The following COL18A1 variants were observed in gnomAD, a reference collection of about 807,000 sequenced individuals.
The protein encoded by COL18A1 is collagen type XVIII alpha 1 chain.
COL18A1 carries 133 observed loss-of-function variants against 168.0 expected under a neutral mutation model. The ratio of observed to expected loss-of-function variants is 0.79; its 90% CI spans 0.69 to 0.91. The LOEUF (loss-of-function observed/expected upper bound fraction) is 0.91. COL18A1 is among the 40% of genes least tolerant of loss of function. COL18A1 has a pLI of 0.00. For synonymous variants in COL18A1, 949 were observed against 809.0 expected, an observed-to-expected ratio of 1.17 and a Z score of -2.94; for missense variants, 2,126 against 1,925.4, an observed-to-expected ratio of 1.10 and a Z score of -1.95.
At chr21:45,494,129 G>A (rs2036452286) in intron 26 of COL18A1, 1 of 360,392 alleles carries the variant, frequency 2.8e-6, no homozygotes, top group African/African-American at 2.1e-5. Flanking sequence ...GCCCTCCGGG[G>A]TGTTTGGGGT....
rs112991713 is a variant in COL18A1 at position 45,431,942 on chromosome 21, G to A, written c.106+26469G>A. Among the ~76,000 whole-genome samples, 664 of 152,268 alleles carry A rather than the reference G, an allele frequency of 4.4e-3. 4 individuals are homozygous for A. Among genetic ancestry groups the A allele is most frequent in the Non-Finnish European group, 7.9e-3 (538 of 68,002 alleles). ...TGCACTTGCTGCCCTGGTGACGGCT[G>A]CTCTCATTCCTGCCCCATTGCTAAC... On this transcript the variant is annotated intron_variant, in intron 2 of 41. Transcript: ENST00000651438.
chr21:45,480,352 T>C, intron 11 of COL18A1, 115 bp from the exon 12 acceptor site: 1 of 1,588,136 alleles, frequency 6.3e-7, no homozygotes, highest in Non-Finnish European at 8.6e-7. Context: ...GGGGCCGTGG[T>C]TTCTCAGCTC....
At position 45,476,402 on chromosome 21, in the gene COL18A1, C is replaced by T. The variant is rs766846763; in HGVS notation, c.850C>T (p.Pro284Ser). 36 of 1,614,068 alleles carry T rather than the reference C, an allele frequency of 2.2e-5. No homozygotes were observed. Among genetic ancestry groups the T allele is most frequent in the Middle Eastern group, 1.6e-4 (1 of 6,084 alleles). ...LPAPPPVTTPPLAGGSSTEDS... is the reference protein window; with the variant it reads ...LPAPPPVTTPSLAGGSSTEDS... ...CGCGCCACCCCCCGTCACCACGCCA[C>T]CCTTGGCTGGAGGCAGCAGCACGGA... The change falls in exon 6 of 42, where the codon CCC becomes TCC. Residue 284 changes from proline (P) to serine (S), a missense_variant. Coordinates refer to ENST00000651438, the MANE Select transcript of COL18A1 (RefSeq NM_001379500.1).
At chr21:45,437,341 C>G (rs1173115998) in intron 2 of COL18A1, among the ~76,000 whole-genome samples, 1 of 115,666 alleles carries the variant, frequency 8.6e-6, no homozygotes, top group Non-Finnish European at 1.7e-5. Flanking sequence ...CACTCAGACA[C>G]ACAGGCACTC....
Position 45,475,458 on chromosome 21 carries a change from C to A in COL18A1, c.739-18C>A. 1 of 1,588,952 alleles carries A rather than the reference C, an allele frequency of 6.3e-7. No individual in the cohort carries two copies. Among genetic ancestry groups the A allele is most frequent in the Non-Finnish European group, 8.6e-7 (1 of 1,169,032 alleles). Reference sequence around the variant, plus strand: ...CTGGCTGCCATCTCTCCAGCCTTTCCCTTTTCAAACTCCTCAGGCATCCGG... The same window carrying A: ...CTGGCTGCCATCTCTCCAGCCTTTCACTTTTCAAACTCCTCAGGCATCCGG... On this transcript the variant is annotated intron_variant, in intron 4 of 41. Transcript: ENST00000651438.
chr21:45,441,054 C>G (rs1030863691), intron 2 of COL18A1, among the ~76,000 whole-genome samples: 1 of 152,208 alleles, frequency 6.6e-6, no homozygotes, highest in South Asian at 2.1e-4. Flanking sequence ...CCCGGGGACA[C>G]CCGCCTTTCC....
Position 45,509,479 on chromosome 21 carries a change from C to A in COL18A1, c.3373C>A (p.Pro1125Thr), listed in dbSNP as rs764732885. The A allele has an allele frequency of 2.4e-5, 37 of 1,527,960 alleles. No individual in the cohort carries two copies. The highest frequency in any genetic ancestry group is 3.2e-5 in the Non-Finnish European group (36 of 1,135,386). The allele number at this position is 1,527,960 out of a possible 1,614,324, so 94.7% of individuals were successfully genotyped here. A position where few individuals can be genotyped will look rare whatever the true frequency, so the allele number is the denominator to read the frequency against. Reference protein sequence around the residue: ...PWRADDILASPPRLPEPQPYP... With the variant: ...PWRADDILASTPRLPEPQPYP... ...GCGGGCAGATGACATCCTGGCCAGC[C>A]CCCCTCGCCTGCCCGAGCCCCAGCC... Residue 1125 changes from proline to threonine, a missense_variant, in exon 39 of 42, where the codon CCC (proline) becomes ACC (threonine). Pro to Thr is a conservative substitution (Grantham distance 38, BLOSUM62 -1). Coordinates refer to ENST00000651438, the MANE Select transcript of COL18A1 (RefSeq NM_001379500.1).
At position 45,498,339 on chromosome 21, in the gene COL18A1, C is replaced by T. The variant is rs1426020410; in HGVS notation, c.2683+678C>T. On this transcript the variant is annotated intron_variant, in intron 32 of 41. Coordinates refer to ENST00000651438, the MANE Select transcript of COL18A1 (RefSeq NM_001379500.1). The surrounding 1 kb of genome is among the most constrained non-coding windows in gnomAD (Gnocchi z 4.5). ...GGTCCCCTCTCGCCGCCAGGGTCCC[C>T]TCTCACCGCCAGGGTTCCCTCTCGC... 1 of 631,018 alleles carries T rather than the reference C, an allele frequency of 1.6e-6. No individual in the cohort carries two copies. Among genetic ancestry groups the T allele is most frequent in the Admixed American group, 2.3e-5 (1 of 43,052 alleles). 39.1% of individuals were successfully genotyped at this position (631,018 alleles called of 1,614,324 possible).
chr21:45,479,032 T>TG (rs2035783815), intron 9 of COL18A1, among the ~76,000 whole-genome samples: 1 of 151,768 alleles, frequency 6.6e-6, no homozygotes, highest in Admixed American at 6.5e-5. Context: ...GACAGTCGGC[T>TG]GGGGGGCGGC....
At chr21:45,442,017 A>T (rs2015673) in intron 2 of COL18A1, among the ~76,000 whole-genome samples, 22,870 of 152,126 alleles carry the variant, frequency 0.15, 2,222 homozygotes, top group African/African-American at 0.27. Flanking sequence ...TCTCACAGTC[A>T]CTGTGTGGGG....
At chr21:45,508,038 T>A (rs1404937620) in intron 38 of COL18A1, among the ~76,000 whole-genome samples, 5 of 150,396 alleles carry the variant, frequency 3.3e-5, no homozygotes, top group African/African-American at 4.9e-5. Flanking sequence ...GGTGAGTGGA[T>A]ACGTAGGTAG....
chr21:45,505,380 GGGCCCCCCTGGGCCCCCT>G lies in COL18A1; in HGVS notation c.3039_3056del (p.Pro1017_Gly1022del), dbSNP rs779330741. The G allele has an allele frequency of 6.3e-7, 1 of 1,585,842 alleles. No homozygotes were observed. Reference sequence around the variant, plus strand: ...CAGCTATCAGCGTTCCCGGCCCTCCGGGCCCCCCTGGGCCCCCTGGGCCCCCTGGAACCATGGGCGCCT... The same window carrying G: ...CAGCTATCAGCGTTCCCGGCCCTCCGGGGCCCCCTGGAACCATGGGCGCCT... On this transcript the variant is annotated inframe_deletion, in exon 36 of 42. Coordinates refer to ENST00000651438, the MANE Select transcript of COL18A1 (RefSeq NM_001379500.1).
intron 2 of COL18A1, among the ~76,000 whole-genome samples, chr21:45,433,178 G>A (rs1224067697): frequency 6.6e-6 from 1 of 152,218 alleles, no homozygotes; most frequent in African/African-American, 2.4e-5. Flanking sequence ...TTTATAGAAG[G>A]ACAAGGAGAG....
At chr21:45,448,543 C>T (rs936870617) in intron 2 of COL18A1, among the ~76,000 whole-genome samples, 6 of 152,258 alleles carry the variant, frequency 3.9e-5, no homozygotes, top group African/African-American at 1.4e-4. Context: ...ACGTGTGCTT[C>T]TGCATACCCA....
At chr21:45,453,100 T>A (rs998075457) in intron 2 of COL18A1, among the ~76,000 whole-genome samples, 1 of 152,054 alleles carries the variant, frequency 6.6e-6, no homozygotes, top group East Asian at 1.9e-4. Context: ...ATGTATGACA[T>A]GTAAGCATTA....
intron 2 of COL18A1, among the ~76,000 whole-genome samples, chr21:45,411,855 G>C (rs112009326): frequency 2.6e-5 from 4 of 151,542 alleles, no homozygotes; most frequent in African/African-American, 9.7e-5. Context: ...ACAGCTCTGC[G>C]GCCCAAACGG....
chr21:45,456,433 C>G, intron 2 of COL18A1: 1 of 1,543,976 alleles, frequency 6.5e-7, no homozygotes, highest in Non-Finnish European at 8.8e-7. Flanking sequence ...CCAGGGACAG[C>G]GGTGCTTGGG....
chr21:45,512,677 T>G lies in COL18A1; in HGVS notation c.*279T>G. On this transcript the variant is annotated 3_prime_UTR_variant, in exon 42 of 42. Transcript: ENST00000651438. ...AGGCAGGGTGCAGTATCATGCCCTGTGCAACCTCTTGGCCTGATCAGACCA... is the reference window on the plus strand; with the variant it reads ...AGGCAGGGTGCAGTATCATGCCCTGGGCAACCTCTTGGCCTGATCAGACCA... The G allele has an allele frequency of 1.9e-6, 1 of 518,450 alleles. No individual in the cohort carries two copies. The highest frequency in any genetic ancestry group is 3.5e-6 in the Non-Finnish European group (1 of 285,010). 32.1% of individuals were successfully genotyped at this position (518,450 alleles called of 1,614,324 possible).
Position 45,511,159 on chromosome 21 carries a change from G to A in COL18A1, c.3742G>A (p.Gly1248Ser), listed in dbSNP as rs1263262981. The A allele has an allele frequency of 6.2e-7, 1 of 1,600,898 alleles. No homozygotes were observed. Among genetic ancestry groups the A allele is most frequent in the South Asian group, 1.1e-5 (1 of 88,658 alleles). Residue 1248 changes from glycine to serine, a missense_variant, in exon 41 of 42, where the codon GGT becomes AGT. Transcript: ENST00000651438. ...GGAGGCTCTGTTCTCAGGCTCTGAG[G>A]GTCCGCTGAAGCCCGGGGCACGCAT... ...SWEALFSGSE[G>S]PLKPGARIFS...
Sources: gnomAD v4.1 joint callset for allele counts (sites outside exome capture counted in the v4.1 genomes callset) on GRCh38, gnomAD v4.1.1 for gene constraint, Gnocchi (gnomAD v3.1) non-coding constraint, MANE v1.5 for transcripts, NCBI Gene and HGNC (gene_info 2026-07-23, HGNC 2026-07-21) for gene names.